SLC24A4: variants seen among roughly 807,000 people sequenced by gnomAD.
SLC24A4 encodes solute carrier family 24 member 4.
A neutral mutation model predicts 79.0 loss-of-function variants in SLC24A4; 53 were observed. That is an observed-to-expected ratio of 0.67 (90% CI 0.54 to 0.84). The LOEUF is 0.84. SLC24A4 is among the 40% of genes least tolerant of loss of function. The probability of loss-of-function intolerance (pLI) is 0.00; values close to 1 mark genes in which losing one functional copy is unlikely to be tolerated. For synonymous variants in SLC24A4, 323 were observed against 323.8 expected, an observed-to-expected ratio of 1.00 and a Z score of 0.03; for missense variants, 731 against 822.0, an observed-to-expected ratio of 0.89 and a Z score of 1.35.
chr14:92,398,593 A>G lies in SLC24A4; in HGVS notation c.242-35319A>G, dbSNP rs544033401. ...GCCTCAGCCCCTTGCTCCCAGGACC[A>G]CACCTGGCCAGGGCTGCTGGGACAG... is the stretch of plus-strand genomic sequence containing the variant. On this transcript the variant is annotated intron_variant, in intron 2 of 16. Transcript: ENST00000532405. The surrounding 1 kb of genome is among the most constrained non-coding windows in gnomAD (Gnocchi z 4.1). Among the ~76,000 whole-genome samples, 16 of 152,298 alleles carry G rather than the reference A, an allele frequency of 1.1e-4. No individual in the cohort carries two copies. Among genetic ancestry groups the G allele is most frequent in the African/African-American group, 3.8e-4 (16 of 41,562 alleles).
chr14:92,412,299 C>T (rs1050723290), intron 2 of SLC24A4, among the ~76,000 whole-genome samples: 3 of 152,222 alleles, frequency 2.0e-5, no homozygotes, highest in African/African-American at 7.2e-5. Context: ...TGCTGTCTCT[C>T]AGCTGGAACT....
chr14:92,364,819 G>A (rs1566716270), intron 2 of SLC24A4, among the ~76,000 whole-genome samples: 1 of 152,214 alleles, frequency 6.6e-6, no homozygotes, highest in African/African-American at 2.4e-5. Flanking sequence ...CTCCATCATA[G>A]CCAACGGAAT....
intron 2 of SLC24A4, among the ~76,000 whole-genome samples, chr14:92,372,920 T>TTCCTTCCTTC (rs1220049614): frequency 0.13 from 10,911 of 82,988 alleles, 976 homozygotes; most frequent in Admixed American, 0.16. Flanking sequence ...TTCCTTCCTT[T>TTCCTTCCTTC]CTTTCTCTTT....
intron 2 of SLC24A4, among the ~76,000 whole-genome samples, chr14:92,354,542 A>G (rs2141651675): frequency 6.6e-6 from 1 of 152,348 alleles, no homozygotes; most frequent in East Asian, 1.9e-4. Context: ...CATGGAGAGG[A>G]AACAGCAAGT....
intron 3 of SLC24A4, among the ~76,000 whole-genome samples, chr14:92,437,095 A>G (rs991524575): frequency 3.9e-5 from 6 of 152,220 alleles, no homozygotes; most frequent in Non-Finnish European, 8.8e-5. Context: ...CAAACAGGAC[A>G]TCCATAGCAC....
At chr14:92,448,324 A>G (rs1048955105) in intron 9 of SLC24A4, among the ~76,000 whole-genome samples, 2 of 135,486 alleles carry the variant, frequency 1.5e-5, no homozygotes, top group Middle Eastern at 3.9e-3. Flanking sequence ...ATGTTATGAC[A>G]TATATTTTTT....
intron 1 of SLC24A4, 25 bp from the exon 2 acceptor site, chr14:92,325,843 A>G (rs371979052): frequency 4.9e-6 from 7 of 1,434,702 alleles, no homozygotes; most frequent in Non-Finnish European, 6.8e-6. Context: ...ACCTAATGGT[A>G]TCTGTGACTT....
intron 2 of SLC24A4, among the ~76,000 whole-genome samples, chr14:92,361,460 T>A (rs1332543203): frequency 6.6e-6 from 1 of 151,192 alleles, no homozygotes; most frequent in African/African-American, 2.4e-5. Flanking sequence ...GCCACCTAAG[T>A]CACCTTGTGA....
chr14:92,466,075 C>T (rs761825525), intron 12 of SLC24A4, among the ~76,000 whole-genome samples: 1 of 152,174 alleles, frequency 6.6e-6, no homozygotes, highest in Non-Finnish European at 1.5e-5. Flanking sequence ...GACAGTGTCG[C>T]TAAGAGGCCT....
At chr14:92,475,540 A>T (rs919189498) in intron 12 of SLC24A4, among the ~76,000 whole-genome samples, 3 of 152,200 alleles carry the variant, frequency 2.0e-5, no homozygotes, top group Non-Finnish European at 4.4e-5. Context: ...GAAGGGAGAG[A>T]TCACCATGGG....
chr14:92,457,925 CGG>C (rs1893575199), intron 12 of SLC24A4, among the ~76,000 whole-genome samples: 1 of 152,240 alleles, frequency 6.6e-6, no homozygotes, highest in Admixed American at 6.5e-5. Context: ...CACCTGCCTG[CGG>C]TAGGTGGCGT....
chr14:92,418,347 G>C (rs1891094612), intron 2 of SLC24A4, among the ~76,000 whole-genome samples: 1 of 152,164 alleles, frequency 6.6e-6, no homozygotes, highest in South Asian at 2.1e-4. Flanking sequence ...TCCTGGTTCT[G>C]CCCATCTTGG....
intron 16 of SLC24A4, 86 bp downstream of exon 16, chr14:92,492,326 C>T (rs1427123412): frequency 1.6e-6 from 2 of 1,264,246 alleles, no homozygotes; most frequent in Admixed American, 3.6e-5. Context: ...ACTCTGTACA[C>T]CCCTGTCACT....
At chr14:92,478,610 TA>T (rs1228230238) in intron 12 of SLC24A4, among the ~76,000 whole-genome samples, 3 of 151,628 alleles carry the variant, frequency 2.0e-5, no homozygotes, top group Non-Finnish European at 4.4e-5. Context: ...AGCTTTGTCC[TA>T]AGTTTTAAAA....
intron 2 of SLC24A4, among the ~76,000 whole-genome samples, chr14:92,389,568 G>C (rs1183141546): frequency 6.6e-6 from 1 of 152,156 alleles, no homozygotes; most frequent in Non-Finnish European, 1.5e-5. Context: ...GGGCTTTGCT[G>C]TTCTCCCTTT....
chr14:92,373,422 G>A (rs1011356721), intron 2 of SLC24A4, among the ~76,000 whole-genome samples: 1 of 152,164 alleles, frequency 6.6e-6, no homozygotes, highest in African/African-American at 2.4e-5. Flanking sequence ...GTTAGAGTGA[G>A]CTGAGACAGG....
intron 7 of SLC24A4, 156 bp from the exon 8 acceptor site, chr14:92,445,161 A>G: frequency 2.4e-6 from 2 of 822,816 alleles, no homozygotes; most frequent in Admixed American, 2.0e-5. Context: ...GGCTACACTA[A>G]GGAAAGGCCC....
intron 1 of SLC24A4, 62 bp from the exon 2 acceptor site, chr14:92,325,806 C>T (rs2141585347): frequency 2.0e-6 from 2 of 989,144 alleles, no homozygotes; most frequent in East Asian, 2.6e-5. Context: ...AATGTAAGGT[C>T]ATTTTGGAAA....
intron 2 of SLC24A4, among the ~76,000 whole-genome samples, chr14:92,379,991 G>A (rs2141708158): frequency 6.6e-6 from 1 of 152,288 alleles, no homozygotes; most frequent in East Asian, 1.9e-4. Flanking sequence ...TTGGGGTACT[G>A]GGGTAGTGTC....
Sources: allele counts gnomAD v4.1 joint callset (sites outside exome capture counted in the v4.1 genomes callset), GRCh38; gene constraint gnomAD v4.1.1; non-coding constraint Gnocchi (gnomAD v3.1); transcripts MANE v1.5; gene names NCBI Gene and HGNC (gene_info 2026-07-23, HGNC 2026-07-21).